PLEKHF2: variants seen among roughly 807,000 people sequenced by gnomAD.
The protein encoded by PLEKHF2 is pleckstrin homology domain-containing family F member 2.
PLEKHF2 carries 4 observed loss-of-function variants against 14.7 expected under a neutral mutation model. The ratio of observed to expected loss-of-function variants is 0.27; its 90% CI spans 0.13 to 0.62. The LOEUF (loss-of-function observed/expected upper bound fraction) is 0.62. PLEKHF2 is among the 20% of genes least tolerant of loss of function. The pLI, the probability that PLEKHF2 is intolerant of heterozygous loss-of-function variation, is 0.85. For missense variants in PLEKHF2, 201 were observed against 307.7 expected (o/e 0.65, Z 2.60); for synonymous variants, 90 against 103.5 (o/e 0.87, Z 0.79).
In PLEKHF2 at chr8:95,156,681, A is replaced by T. The variant is rs1047250050; in HGVS notation, c.*1887A>T. 6.6e-5 allele frequency: 11 copies of T among 166,626 alleles called. No individual in the cohort carries two copies. The highest frequency in any genetic ancestry group is 1.0e-4 in the Non-Finnish European group (7 of 68,106). The allele number at this position is 166,626 out of a possible 1,614,324, so 10.3% of individuals were successfully genotyped here. A position where few individuals can be genotyped will look rare whatever the true frequency, so the allele number is the denominator to read the frequency against. On this transcript the variant is annotated 3_prime_UTR_variant, in exon 2 of 2. Coordinates refer to ENST00000315367, the MANE Select transcript of PLEKHF2 (RefSeq NM_024613.4). The stretch of plus-strand genomic sequence containing the variant: ...TTTTTACAATAAAAAATATTTTACA[A>T]CTTACTTTCTGTTCTCTGTATATTG...
rs1368203034 is a variant in PLEKHF2, at chr8:95,156,107, G to A, written c.*1313G>A. 6.0e-6 allele frequency: 1 copy of A among 166,998 alleles called. No individual in the cohort carries two copies. Among genetic ancestry groups the A allele is most frequent in the Non-Finnish European group, 1.5e-5 (1 of 68,096 alleles). 10.3% of individuals were successfully genotyped at this position (166,998 alleles called of 1,614,324 possible). A position where few individuals can be genotyped will look rare whatever the true frequency, so the allele number is the denominator to read the frequency against. ...TTTTGAGGCAGCCATTAGGTTGAAA[G>A]TATATATTTATCATATAAAACTTGA... On this transcript the variant is annotated 3_prime_UTR_variant, in exon 2 of 2. Transcript: ENST00000315367.
At chr8:95,146,460 A>G (rs572862055) in intron 1 of PLEKHF2, among the ~76,000 whole-genome samples, 28 of 152,030 alleles carry the variant, frequency 1.8e-4, no homozygotes, top group Non-Finnish European at 2.4e-4. Context: ...ACTAAGACAT[A>G]GTAGTCTATG....
intron 1 of PLEKHF2, among the ~76,000 whole-genome samples, chr8:95,135,405 CTTCCTT>C (rs938025034): frequency 2.0e-4 from 31 of 151,866 alleles, no homozygotes; most frequent in African/African-American, 6.5e-4. Context: ...TTTTTCCTTC[CTTCCTT>C]TTCCTTTTCC....
chr8:95,147,408 A>G (rs1007307236), intron 1 of PLEKHF2, among the ~76,000 whole-genome samples: 3 of 151,914 alleles, frequency 2.0e-5, no homozygotes, highest in Admixed American at 6.6e-5. Context: ...CTGAGTAGTT[A>G]TTATTATGTT....
intron 1 of PLEKHF2, among the ~76,000 whole-genome samples, chr8:95,134,599 G>A (rs1226251511): frequency 6.6e-6 from 1 of 152,180 alleles, no homozygotes; most frequent in Non-Finnish European, 1.5e-5. Flanking sequence ...TTATTTATTT[G>A]GAGCCTTTTC....
intron 1 of PLEKHF2, among the ~76,000 whole-genome samples, chr8:95,141,197 A>T (rs964188034): frequency 6.6e-6 from 1 of 152,130 alleles, no homozygotes; most frequent in African/African-American, 2.4e-5. Context: ...AACCCTGGAG[A>T]TTAATTTTAG....
chr8:95,141,731 G>A (rs1412478206), intron 1 of PLEKHF2, among the ~76,000 whole-genome samples: 11 of 150,134 alleles, frequency 7.3e-5, no homozygotes, highest in East Asian at 1.9e-4. Context: ...TGGTAGAGAC[G>A]GGGTTTCACT....
At chr8:95,140,519 T>C (rs146358475) in intron 1 of PLEKHF2, among the ~76,000 whole-genome samples, 1 of 152,358 alleles carries the variant, frequency 6.6e-6, no homozygotes, top group East Asian at 1.9e-4. Flanking sequence ...TGCTTTCTTT[T>C]GCAGTTTGTC....
chr8:95,140,649 A>G (rs1005354142), intron 1 of PLEKHF2, among the ~76,000 whole-genome samples: 2 of 152,184 alleles, frequency 1.3e-5, no homozygotes, highest in Admixed American at 6.5e-5. Flanking sequence ...TCCATCCCCA[A>G]ACCCCAGATA....
At chr8:95,136,062 C>T (rs971298463) in intron 1 of PLEKHF2, among the ~76,000 whole-genome samples, 1 of 152,114 alleles carries the variant, frequency 6.6e-6, no homozygotes, top group Non-Finnish European at 1.5e-5. Flanking sequence ...CTGTAAATAT[C>T]GCATAGATTC....
At chr8:95,150,187 T>C (rs769858090) in intron 1 of PLEKHF2, among the ~76,000 whole-genome samples, 1 of 152,150 alleles carries the variant, frequency 6.6e-6, no homozygotes, top group Non-Finnish European at 1.5e-5. Context: ...CTCTCTCTTA[T>C]ATGTGTTTGT....
chr8:95,143,093 C>CTTTTTTTTTTTTTTT, intron 1 of PLEKHF2, among the ~76,000 whole-genome samples: 1 of 141,044 alleles, frequency 7.1e-6, no homozygotes, highest in Non-Finnish European at 1.5e-5. Flanking sequence ...AGGAAATAAT[C>CTTTTTTTTTTTTTTT]TTTTTTTTTT....
chr8:95,143,105 T>C (rs1810455484), intron 1 of PLEKHF2, among the ~76,000 whole-genome samples: 2 of 151,112 alleles, frequency 1.3e-5, no homozygotes, highest in South Asian at 4.2e-4. Context: ...TTTTTTTTTT[T>C]TTTCTTTTTT....
At chr8:95,153,342 A>G (rs1810581833) in intron 1 of PLEKHF2, among the ~76,000 whole-genome samples, 1 of 152,206 alleles carries the variant, frequency 6.6e-6, no homozygotes, top group South Asian at 2.1e-4. Flanking sequence ...ATGGACTACA[A>G]GTAGTAGAGT....
chr8:95,154,888 T>A lies in PLEKHF2; in HGVS notation c.*94T>A. The A allele has an allele frequency of 6.8e-7, 1 of 1,465,942 alleles. No homozygotes were observed. 90.8% of individuals were successfully genotyped at this position (1,465,942 alleles called of 1,614,324 possible). A position where few individuals can be genotyped will look rare whatever the true frequency, so the allele number is the denominator to read the frequency against. ...TCTGAGCTCTCTCTCTGTTTTGTTC[T>A]AGCCATGAATTTGCCTGAGAAACTT... On this transcript the variant is annotated 3_prime_UTR_variant, in exon 2 of 2. Coordinates refer to ENST00000315367, the MANE Select transcript of PLEKHF2 (RefSeq NM_024613.4). This position sits in a 1 kb window ranked among gnomAD's most constrained non-coding sequence, Gnocchi z 5.6.
At chr8:95,151,886 T>C (rs1175277158) in intron 1 of PLEKHF2, among the ~76,000 whole-genome samples, 3 of 152,122 alleles carry the variant, frequency 2.0e-5, no homozygotes, top group Non-Finnish European at 4.4e-5. Context: ...TTTTTAACTT[T>C]ATGTTGTGTG....
intron 1 of PLEKHF2, among the ~76,000 whole-genome samples, chr8:95,145,126 G>A (rs987716159): frequency 3.3e-5 from 5 of 151,832 alleles, no homozygotes; most frequent in African/African-American, 4.8e-5. Flanking sequence ...AGGCATATTT[G>A]GTGCCTATGA....
At position 95,154,954 on chromosome 8, in the gene PLEKHF2, C is replaced by T. The variant is rs1810600733; in HGVS notation, c.*160C>T. ...CAATATATTCCATAGAAAGTAGGTC[C>T]CCCTGCCTTCTCCCACTCCTCACAC... On this transcript the variant is annotated 3_prime_UTR_variant, in exon 2 of 2. Coordinates refer to ENST00000315367, the MANE Select transcript of PLEKHF2 (RefSeq NM_024613.4). The surrounding 1 kb of genome is among the most constrained non-coding windows in gnomAD (Gnocchi z 5.6). 1 of 790,086 alleles carries T rather than the reference C, an allele frequency of 1.3e-6. No individual in the cohort carries two copies. Among genetic ancestry groups the T allele is most frequent in the Non-Finnish European group, 2.0e-6 (1 of 498,024 alleles). 48.9% of individuals were successfully genotyped at this position (790,086 alleles called of 1,614,324 possible). A position where few individuals can be genotyped will look rare whatever the true frequency, so the allele number is the denominator to read the frequency against.
rs575067345 is a variant in PLEKHF2, at chr8:95,156,165, T to C, written c.*1371T>C. On this transcript the variant is annotated 3_prime_UTR_variant, in exon 2 of 2. Transcript: ENST00000315367. ...TGCACTACTCTTTCCATTTATATGC[T>C]GCAAACAACTACAGTCTTTGAAATA... 1 of 167,082 alleles carries C rather than the reference T, an allele frequency of 6.0e-6. No individual in the cohort carries two copies. The allele number at this position is 167,082 out of a possible 1,614,324, so 10.3% of individuals were successfully genotyped here.
Sources: gnomAD v4.1 joint callset for allele counts (sites outside exome capture counted in the v4.1 genomes callset) on GRCh38, gnomAD v4.1.1 for gene constraint, Gnocchi (gnomAD v3.1) non-coding constraint, MANE v1.5 for transcripts, NCBI Gene and HGNC (gene_info 2026-07-23, HGNC 2026-07-21) for gene names.